Variants in FAM47E observed in about 807,000 individuals in gnomAD.
FAM47E encodes the protein family with sequence similarity 47 member E.
A neutral mutation model predicts 41.6 loss-of-function variants in FAM47E; 32 were observed. The ratio of observed to expected loss-of-function variants is 0.77; its 90% CI spans 0.58 to 1.03. The LOEUF (loss-of-function observed/expected upper bound fraction) is 1.03. FAM47E is among the 50% of genes least tolerant of loss of function. FAM47E has a pLI of 0.00. For synonymous variants in FAM47E, 184 were observed against 188.7 expected (o/e 0.98, Z 0.20); for missense variants, 424 against 485.4 (o/e 0.87, Z 1.19).
At chr4:76,220,273 A>G (rs1733285991) in intron 2 of FAM47E, among the ~76,000 whole-genome samples, 1 of 152,244 alleles carries the variant, frequency 6.6e-6, no homozygotes, top group African/African-American at 2.4e-5. Context: ...TCATCAGACA[A>G]TAATAGATAC....
At chr4:76,268,550 G>A (rs1734742409) in intron 3 of FAM47E, 110 bp from the exon 4 acceptor site, 6 of 1,106,808 alleles carry the variant, frequency 5.4e-6, no homozygotes, top group Admixed American at 3.1e-5. Flanking sequence ...GCTTGCAAGA[G>A]ACTGTTAGAA....
chr4:76,262,308 T>A (rs1421779831), intron 2 of FAM47E, among the ~76,000 whole-genome samples: 1 of 152,236 alleles, frequency 6.6e-6, no homozygotes, highest in Non-Finnish European at 1.5e-5. Context: ...ATATAGTTAA[T>A]GATCATAAAT....
chr4:76,248,205 C>T (rs376808966), upstream of FAM47E, among the ~76,000 whole-genome samples: 2 of 151,874 alleles, frequency 1.3e-5, no homozygotes, highest in Non-Finnish European at 2.9e-5. Context: ...TGAGCCACCG[C>T]GCCTGGCCTC....
chr4:76,267,710 A>C (rs1169524477), intron 3 of FAM47E: 1 of 152,246 alleles, frequency 6.6e-6, no homozygotes, highest in Non-Finnish European at 1.5e-5. Context: ...GGCCATAAAA[A>C]GGAATAAACT....
At chr4:76,272,991 T>C (rs763053696) in intron 5 of FAM47E, among the ~76,000 whole-genome samples, 1 of 152,242 alleles carries the variant, frequency 6.6e-6, no homozygotes, top group Non-Finnish European at 1.5e-5. Flanking sequence ...TGAAGACAAC[T>C]TGTTCTGCCT....
At chr4:76,216,939 A>G (rs1270973117) in intron 1 of FAM47E, among the ~76,000 whole-genome samples, 2 of 152,236 alleles carry the variant, frequency 1.3e-5, no homozygotes, top group Non-Finnish European at 2.9e-5. Context: ...CGAGGCTGGC[A>G]TAACTTTTTA....
intron 3 of FAM47E, among the ~76,000 whole-genome samples, chr4:76,265,438 C>T (rs1734590802): frequency 6.6e-6 from 1 of 152,134 alleles, no homozygotes. Context: ...TGGCTACTGT[C>T]TTTGCTCTCT....
chr4:76,249,375 A>G (rs116704525), upstream of FAM47E, among the ~76,000 whole-genome samples: 434 of 152,290 alleles, frequency 2.8e-3, 4 homozygotes, highest in African/African-American at 0.01. Context: ...TTGCCAACAT[A>G]TTATTTTGCT....
At position 76,217,673 on chromosome 4, in the gene FAM47E, C is replaced by T. The variant is rs1489124871; in HGVS notation, c.66C>T (p.Phe22=). Residue 22 remains phenylalanine, a synonymous_variant, in exon 2 of 8, where the codon TTC becomes TTT. Coordinates refer to the FAM47E transcript ENST00000510197. Reference sequence around the variant, plus strand: ...ACCATGAGCCAAATAAACCTCTTTTCACTACCCAATCTCAGGTATTGTTAT... The same window carrying T: ...ACCATGAGCCAAATAAACCTCTTTTTACTACCCAATCTCAGGTATTGTTAT... 4 of 647,646 alleles carry T rather than the reference C, an allele frequency of 6.2e-6. No homozygotes were observed. In the South Asian group the frequency reaches 7.1e-5, roughly 12 times the overall value. The allele number at this position is 647,646 out of a possible 1,614,324, so 40.1% of individuals were successfully genotyped here.
chr4:76,240,406 C>G (rs1223896755), intron 2 of FAM47E, among the ~76,000 whole-genome samples: 3 of 152,034 alleles, frequency 2.0e-5, no homozygotes, highest in Non-Finnish European at 4.4e-5. Flanking sequence ...GTTCATTGAG[C>G]TTTTTGGATA....
intron 1 of FAM47E, chr4:76,214,573 T>C (rs1733164050): frequency 1.8e-5 from 6 of 331,956 alleles, no homozygotes; most frequent in Non-Finnish European, 3.6e-5. Context: ...TGGTATCCTG[T>C]TAAAGATGTG....
Position 76,263,685 on chromosome 4 carries a change from G to A in FAM47E, c.421-19G>A. On this transcript the variant is annotated intron_variant, in intron 2 of 7. Transcript: ENST00000424749. Reference sequence around the variant, plus strand: ...TCAGCATGTTTTTCTTTTCCTCTAAGACTATTTTCTGTTTGTAGCTCTTAT... The same window carrying A: ...TCAGCATGTTTTTCTTTTCCTCTAAAACTATTTTCTGTTTGTAGCTCTTAT... 1 of 1,547,224 alleles carries A rather than the reference G, an allele frequency of 6.5e-7. No homozygotes were observed. Among genetic ancestry groups the A allele is most frequent in the Non-Finnish European group, 8.7e-7 (1 of 1,145,366 alleles).
Position 76,251,812 on chromosome 4 carries a change from C to A in FAM47E, c.66C>A (p.Cys22Ter). Residue 22 changes from cysteine (C) to a stop codon, truncating the protein, a stop_gained, in exon 1 of 8, where the codon TGC becomes TGA. Coordinates refer to ENST00000424749, the MANE Select transcript of FAM47E (RefSeq NM_001136570.3). LOFTEE classifies it high-confidence loss of function. ...TLAPVREGVN[C>*]RSRCFTKHKN... ...CCCCGGTGCGCGAGGGCGTGAACTG[C>A]AGGTCCAGGTAAACACTCAGCGCCC... 3 of 1,483,100 alleles carry A rather than the reference C, an allele frequency of 2.0e-6. No individual in the cohort carries two copies. The highest frequency in any genetic ancestry group is 2.7e-6 in the Non-Finnish European group (3 of 1,122,878). The allele number at this position is 1,483,100 out of a possible 1,614,324, so 91.9% of individuals were successfully genotyped here. A position where few individuals can be genotyped will look rare whatever the true frequency, so the allele number is the denominator to read the frequency against.
upstream of FAM47E, among the ~76,000 whole-genome samples, chr4:76,247,280 A>T (rs182944173): frequency 7.0e-4 from 107 of 152,224 alleles, 2 homozygotes; most frequent in East Asian, 0.013. Context: ...TCAAAATTTC[A>T]TTCTTTTTAT....
chr4:76,215,747 A>G (rs1466650928), intron 1 of FAM47E, among the ~76,000 whole-genome samples: 1 of 152,106 alleles, frequency 6.6e-6, no homozygotes, highest in East Asian at 1.9e-4. Context: ...GAACATGGGA[A>G]AGACTGTGGG....
At chr4:76,218,447 C>G (rs1733252591) in intron 2 of FAM47E, among the ~76,000 whole-genome samples, 1 of 152,208 alleles carries the variant, frequency 6.6e-6, no homozygotes, top group South Asian at 2.1e-4. Context: ...ATCACATGCA[C>G]CTGTGCCAGG....
At chr4:76,275,957 A>G (rs903652955) in intron 5 of FAM47E, among the ~76,000 whole-genome samples, 1 of 151,842 alleles carries the variant, frequency 6.6e-6, no homozygotes, top group Non-Finnish European at 1.5e-5. Flanking sequence ...GGGGGATGCT[A>G]TTAGAATCTA....
upstream of FAM47E, among the ~76,000 whole-genome samples, chr4:76,248,850 C>A (rs750589398): frequency 2.8e-4 from 43 of 151,998 alleles, 1 homozygote; most frequent in Admixed American, 4.6e-4. Flanking sequence ...ATACAGTAAT[C>A]AAGTGAGTAT....
At chr4:76,238,690 A>G (rs1313130977) in intron 2 of FAM47E, among the ~76,000 whole-genome samples, 2 of 152,238 alleles carry the variant, frequency 1.3e-5, no homozygotes, top group African/African-American at 4.8e-5. Context: ...GTGCTTAGTC[A>G]TGTTAGGTAC....
Sources: gnomAD v4.1 joint callset for allele counts (sites outside exome capture counted in the v4.1 genomes callset) on GRCh38, gnomAD v4.1.1 for gene constraint, MANE v1.5 for transcripts, NCBI Gene and HGNC (gene_info 2026-07-23, HGNC 2026-07-21) for gene names.